MIPOL1: variants seen among roughly 807,000 people sequenced by gnomAD.
MIPOL1 encodes the protein mirror-image polydactyly 1.
MIPOL1 carries 57 observed loss-of-function variants against 60.9 expected under a neutral mutation model. That is an observed-to-expected ratio of 0.94 (90% confidence interval 0.76 to 1.17). MIPOL1 has a LOEUF of 1.17. Ranked by LOEUF, MIPOL1 falls within the 50% of genes most tolerant of loss-of-function variation. MIPOL1 has a pLI of 0.00. For missense variants in MIPOL1, 551 were observed against 511.6 expected (o/e 1.08, Z -0.74); for synonymous variants, 179 against 168.8 (o/e 1.06, Z -0.47).
At chr14:37,384,952 G>A (rs570941820) in intron 10 of MIPOL1, among the ~76,000 whole-genome samples, 1 of 151,994 alleles carries the variant, frequency 6.6e-6, no homozygotes, top group African/African-American at 2.4e-5. Flanking sequence ...ATTTTTCTCT[G>A]TAAATGATTT....
intron 1 of MIPOL1, among the ~76,000 whole-genome samples, chr14:37,207,671 G>A (rs563589018): frequency 1.3e-5 from 2 of 151,954 alleles, no homozygotes; most frequent in East Asian, 1.9e-4. Context: ...TCAGCCTCCC[G>A]AGTAGCTGGG....
chr14:37,381,630 T>A (rs2092927267), intron 10 of MIPOL1, among the ~76,000 whole-genome samples: 1 of 152,088 alleles, frequency 6.6e-6, no homozygotes, highest in African/African-American at 2.4e-5. Context: ...TCACCCAGGC[T>A]GGAGTGCAGT....
At chr14:37,519,771 A>G (rs1373223578) in intron 12 of MIPOL1, among the ~76,000 whole-genome samples, 1 of 152,166 alleles carries the variant, frequency 6.6e-6, no homozygotes, top group Non-Finnish European at 1.5e-5. Flanking sequence ...CCTGACTTGT[A>G]TGATTTCTAT....
intron 11 of MIPOL1, among the ~76,000 whole-genome samples, chr14:37,481,578 C>CACAG (rs2094868358): frequency 1.3e-5 from 2 of 149,006 alleles, no homozygotes; most frequent in African/African-American, 5.0e-5. Context: ...CACACACACA[C>CACAG]ACACACACAC....
intron 7 of MIPOL1, among the ~76,000 whole-genome samples, chr14:37,287,350 C>T (rs1271207430): frequency 1.3e-5 from 2 of 151,934 alleles, no homozygotes; most frequent in African/African-American, 4.8e-5. Context: ...CTCAAGTGAT[C>T]CTCCTACCTC....
At chr14:37,338,356 C>T (rs575904530) in intron 9 of MIPOL1, among the ~76,000 whole-genome samples, 2 of 151,658 alleles carry the variant, frequency 1.3e-5, no homozygotes, top group African/African-American at 2.4e-5. Context: ...ATGATCCGCT[C>T]GCCTTGGCCT....
chr14:37,245,315 A>T (rs1480002822), intron 1 of MIPOL1, among the ~76,000 whole-genome samples: 1 of 152,150 alleles, frequency 6.6e-6, no homozygotes, highest in Non-Finnish European at 1.5e-5. Flanking sequence ...GACAGATTTC[A>T]TTGGTACTTA....
chr14:37,205,470 G>GTT (rs879260407), intron 1 of MIPOL1, among the ~76,000 whole-genome samples: 1 of 146,056 alleles, frequency 6.8e-6, no homozygotes, highest in African/African-American at 2.5e-5. Context: ...AACACATTCA[G>GTT]TTTTTTTTTT....
At chr14:37,385,449 C>G (rs184907704) in intron 10 of MIPOL1, 1 of 152,050 alleles carries the variant, frequency 6.6e-6, no homozygotes, top group Admixed American at 6.6e-5. Flanking sequence ...TGTGGTTGTC[C>G]GTGACAGCAG....
At chr14:37,519,847 C>T (rs1183678733) in intron 12 of MIPOL1, among the ~76,000 whole-genome samples, 1 of 152,072 alleles carries the variant, frequency 6.6e-6, no homozygotes, top group African/African-American at 2.4e-5. Context: ...GGTTCTTCCA[C>T]CTTGCGGAAT....
intron 10 of MIPOL1, among the ~76,000 whole-genome samples, chr14:37,412,820 T>C (rs748083024): frequency 2.0e-4 from 31 of 152,062 alleles, no homozygotes; most frequent in Non-Finnish European, 4.0e-4. Flanking sequence ...TCATGTAAAA[T>C]AAAATAAAAT....
intron 11 of MIPOL1, among the ~76,000 whole-genome samples, chr14:37,442,326 GT>G (rs1442938150): frequency 1.3e-5 from 2 of 151,990 alleles, no homozygotes; most frequent in African/African-American, 4.8e-5. Flanking sequence ...AAGAGAGATG[GT>G]TTGACTTCTT....
chr14:37,282,747 CAAAAA>C (rs59301708), intron 6 of MIPOL1, among the ~76,000 whole-genome samples: 10 of 67,896 alleles, frequency 1.5e-4, no homozygotes, highest in Admixed American at 2.4e-4. Context: ...GACCCTGTCT[CAAAAA>C]AAAAAAAAAA....
At chr14:37,248,912 T>C (rs1973631080) in intron 3 of MIPOL1, among the ~76,000 whole-genome samples, 1 of 151,610 alleles carries the variant, frequency 6.6e-6, no homozygotes, top group South Asian at 2.1e-4. Context: ...CAGAGACAGA[T>C]AGAATTGGAA....
At chr14:37,419,009 G>A (rs2093821612) in intron 10 of MIPOL1, among the ~76,000 whole-genome samples, 1 of 151,982 alleles carries the variant, frequency 6.6e-6, no homozygotes, top group South Asian at 2.1e-4. Flanking sequence ...TTACCCAAGA[G>A]AAACAAAGTT....
At chr14:37,264,836 T>G (rs577394890) in intron 3 of MIPOL1, among the ~76,000 whole-genome samples, 2 of 152,344 alleles carry the variant, frequency 1.3e-5, no homozygotes, top group Admixed American at 1.3e-4. Flanking sequence ...AGCTTGCTTC[T>G]GCAGTCATTG....
At chr14:37,423,484 C>T (rs2093910933) in intron 11 of MIPOL1, 1 of 151,516 alleles carries the variant, frequency 6.6e-6, no homozygotes. Context: ...ATAGAAATGT[C>T]AGAATGCATC....
chr14:37,471,391 T>C (rs2094687000), intron 11 of MIPOL1, among the ~76,000 whole-genome samples: 1 of 152,170 alleles, frequency 6.6e-6, no homozygotes. Flanking sequence ...CTTTGTTATA[T>C]TTCCCGGATT....
At chr14:37,212,376 G>A (rs1966868068) in intron 1 of MIPOL1, 1 of 152,122 alleles carries the variant, frequency 6.6e-6, no homozygotes, top group Non-Finnish European at 1.5e-5. Context: ...AACCCAGAAA[G>A]CATTCATGAC....
Sources: allele counts gnomAD v4.1 joint callset (sites outside exome capture counted in the v4.1 genomes callset), GRCh38; gene constraint gnomAD v4.1.1; transcripts MANE v1.5; gene names NCBI Gene and HGNC (gene_info 2026-07-23, HGNC 2026-07-21).